CLSTN3: variants seen among roughly 807,000 people sequenced by gnomAD.
CLSTN3 encodes the protein calsyntenin 3, also known as calsyntenin-3.
CLSTN3 carries 36 observed loss-of-function variants against 95.9 expected under a neutral mutation model. The ratio of observed to expected loss-of-function variants is 0.38; its 90% CI spans 0.29 to 0.50. CLSTN3 has a LOEUF of 0.50. CLSTN3 is among the 20% of genes least tolerant of loss of function. CLSTN3 has a pLI of 0.95. For synonymous variants in CLSTN3, 481 were observed against 504.0 expected, an observed-to-expected ratio of 0.95 and a Z score of 0.61; for missense variants, 1,084 against 1,268.8, an observed-to-expected ratio of 0.85 and a Z score of 2.21.
intron 12 of CLSTN3, 29 bp from the exon 13 acceptor site, chr12:7,148,943 C>T: frequency 6.3e-7 from 1 of 1,593,236 alleles, no homozygotes; most frequent in South Asian, 1.1e-5. Flanking sequence ...GTTGGGGTCA[C>T]ATGCTGCTTC....
chr12:7,151,149 G>T, intron 16 of CLSTN3, 86 bp downstream of exon 16: 1 of 1,417,590 alleles, frequency 7.1e-7, no homozygotes, highest in Non-Finnish European at 9.3e-7. Flanking sequence ...CCACCTCTGG[G>T]AGAGGACAAG....
chr12:7,138,305 C>A (rs1327105664), intron 8 of CLSTN3, among the ~76,000 whole-genome samples: 4 of 151,570 alleles, frequency 2.6e-5, no homozygotes, highest in African/African-American at 9.8e-5. Context: ...ACTACTAACA[C>A]CAAAGTCGAC....
chr12:7,152,546 G>A (rs765832926), intron 16 of CLSTN3, among the ~76,000 whole-genome samples: 31 of 152,240 alleles, frequency 2.0e-4, no homozygotes, highest in Non-Finnish European at 2.9e-4. Context: ...AGAATTGAAG[G>A]CAATTCTCAA....
Position 7,149,745 on chromosome 12 carries a change from A to C in CLSTN3, c.2245+52A>C, listed in dbSNP as rs770342258. 1.3e-6 allele frequency: 2 copies of C among 1,549,640 alleles called. No homozygotes were observed. The highest frequency in any genetic ancestry group is 1.4e-5 in the African/African-American group (1 of 73,164). ...CTGTGTGTGTGTGCCCCTCCCAAAAAGTAAGGGCCTAGGAAGCCCAGAGGG... is the reference window on the plus strand; with the variant it reads ...CTGTGTGTGTGTGCCCCTCCCAAAACGTAAGGGCCTAGGAAGCCCAGAGGG... On this transcript the variant is annotated intron_variant, in intron 14 of 17. Transcript: ENST00000266546. The surrounding 1 kb of genome is among the most constrained non-coding windows in gnomAD (Gnocchi z 4.5).
In CLSTN3 at chr12:7,150,797, G is replaced by A; in HGVS notation, c.2391+108G>A. The A allele has an allele frequency of 6.4e-7, 1 of 1,557,284 alleles. No homozygotes were observed. The highest frequency in any genetic ancestry group is 1.3e-5 in the African/African-American group (1 of 74,230). On this transcript the variant is annotated intron_variant, in intron 15 of 17. Transcript: ENST00000266546. The surrounding 1 kb of genome is among the most constrained non-coding windows in gnomAD (Gnocchi z 4.0). The stretch of plus-strand genomic sequence containing the variant: ...TGGGCATGGACATGGCAGCGTGGAG[G>A]GCTGCTGGACCTTGCAGTGGGTGGA...
rs1203227161 is a variant in CLSTN3 at position 7,137,793 on chromosome 12, T to TGA, written c.1211-161_1211-160insAG. On this transcript the variant is annotated intron_variant, in intron 7 of 17. Coordinates refer to ENST00000266546, the MANE Select transcript of CLSTN3 (RefSeq NM_014718.4). The surrounding 1 kb of genome is among the most constrained non-coding windows in gnomAD (Gnocchi z 4.4). ...GTGTGTGTGTGTGTGTGTGTGTGTGTGTGAGAGAGAGAGAGAGAGAGAGAG... is the reference window on the plus strand; with the variant it reads ...GTGTGTGTGTGTGTGTGTGTGTGTGTGAGTGAGAGAGAGAGAGAGAGAGAGAG... Among the ~76,000 whole-genome samples, 8,210 of 69,760 alleles carry TGA rather than the reference T, an allele frequency of 0.12. 285 individuals carry two copies. Among genetic ancestry groups the TGA allele is most frequent in the Non-Finnish European group, 0.2 (5,763 of 29,230 alleles). 45.8% of individuals were successfully genotyped at this position (69,760 alleles called of 152,430 possible).
rs923226498 is a variant in CLSTN3 at position 7,130,562 on chromosome 12, C to T, written c.-87C>T. The stretch of plus-strand genomic sequence containing the variant: ...CTGTACCCCGCTCCTTGGAGACCCC[C>T]TGTATCCCTCCCGCAAGGTGGAATC... On this transcript the variant is annotated 5_prime_UTR_variant, in exon 1 of 18. Coordinates refer to ENST00000266546, the MANE Select transcript of CLSTN3 (RefSeq NM_014718.4). The T allele has an allele frequency of 6.5e-7, 1 of 1,548,242 alleles. No individual in the cohort carries two copies. The highest frequency in any genetic ancestry group is 8.7e-7 in the Non-Finnish European group (1 of 1,146,796).
chr12:7,136,503 C>A, intron 6 of CLSTN3, 112 bp downstream of exon 6: 2 of 1,097,220 alleles, frequency 1.8e-6, no homozygotes, highest in Non-Finnish European at 2.6e-6. Flanking sequence ...GGTGTTTATC[C>A]ATAGAGGTTG....
At chr12:7,145,035 C>T (rs2135807737) in intron 12 of CLSTN3, among the ~76,000 whole-genome samples, 1 of 152,260 alleles carries the variant, frequency 6.6e-6, no homozygotes, top group East Asian at 1.9e-4. Flanking sequence ...TCGTCCCCTC[C>T]AGTGCTGAGG....
rs1287836141 is a variant in CLSTN3 at position 7,148,828 on chromosome 12, G to A, written c.1848-144G>A. 1.3e-5 allele frequency: 9 copies of A among 682,764 alleles called. No individual in the cohort carries two copies. In the South Asian group the frequency reaches 1.5e-4, roughly 11 times the overall value. 42.3% of individuals were successfully genotyped at this position (682,764 alleles called of 1,614,324 possible). On this transcript the variant is annotated intron_variant, in intron 12 of 17. Coordinates refer to ENST00000266546, the MANE Select transcript of CLSTN3 (RefSeq NM_014718.4). ...CTGCTGTGGGGGTTGGGATGCAGAG[G>A]CATGACCCCCTTTCTTCCCCTGCCC...
upstream of CLSTN3, chr12:7,129,625 G>A (rs778383935): frequency 4.1e-6 from 4 of 985,486 alleles, no homozygotes; most frequent in East Asian, 3.4e-4. This position sits in a 1 kb window ranked among gnomAD's most constrained non-coding sequence, Gnocchi z 5.5. Flanking sequence ...GACAGCCCAT[G>A]CTTTCCAGAT....
chr12:7,144,557 A>C (rs1339946964), intron 12 of CLSTN3, among the ~76,000 whole-genome samples: 3 of 152,154 alleles, frequency 2.0e-5, no homozygotes, highest in Non-Finnish European at 4.4e-5. Context: ...CTATTATTAC[A>C]TAAAGGCATT....
chr12:7,139,634 C>CATTATT (rs1186626288), intron 8 of CLSTN3, among the ~76,000 whole-genome samples: 3 of 138,332 alleles, frequency 2.2e-5, no homozygotes, highest in Admixed American at 7.9e-5. Context: ...TTTACATCAT[C>CATTATT]ATTATTATTA....
chr12:7,145,406 A>C (rs1275975441), intron 12 of CLSTN3, among the ~76,000 whole-genome samples: 1 of 152,056 alleles, frequency 6.6e-6, no homozygotes, highest in East Asian at 1.9e-4. Context: ...AGACACAGAC[A>C]GGTACCTAGC....
intron 8 of CLSTN3, among the ~76,000 whole-genome samples, chr12:7,140,929 A>G (rs1782668136): frequency 6.6e-6 from 1 of 152,198 alleles, no homozygotes. Flanking sequence ...TGCCTTACAC[A>G]CATATGTAAT....
intron 8 of CLSTN3, chr12:7,138,827 G>A (rs369067359): frequency 2.9e-4 from 13 of 45,376 alleles, no homozygotes; most frequent in African/African-American, 8.6e-4. Flanking sequence ...GTAAGCAAAC[G>A]GCAAAAAAAA....
At chr12:7,130,317 A>T (rs61917922), upstream of CLSTN3, 1 of 424,184 alleles carries the variant, frequency 2.4e-6, no homozygotes, top group Non-Finnish European at 3.1e-6. Flanking sequence ...CCCCCCTCCC[A>T]GTCACCTGAT....
rs775898752 is a variant in CLSTN3, at chr12:7,133,013, G to A, written c.65-11G>A. On this transcript the variant is annotated splice_polypyrimidine_tract_variant and intron_variant, in intron 1 of 17. Coordinates refer to ENST00000266546, the MANE Select transcript of CLSTN3 (RefSeq NM_014718.4). This position sits in a 1 kb window ranked among gnomAD's most constrained non-coding sequence, Gnocchi z 4.7. ...CAGGTGCTTCCTCTCCTCTCCCTGG[G>A]GTGGGGCCAGCCAACAAGCACAAGC... The A allele has an allele frequency of 9.9e-6, 16 of 1,613,080 alleles. No homozygotes were observed. The highest frequency in any genetic ancestry group is 1.7e-6 in the Non-Finnish European group (2 of 1,179,614).
At chr12:7,134,694 T>G (rs1218341327) in intron 3 of CLSTN3, among the ~76,000 whole-genome samples, 1 of 152,240 alleles carries the variant, frequency 6.6e-6, no homozygotes. Context: ...TGGTTTTAAT[T>G]TGGCTTTTAC....
Sources: allele counts gnomAD v4.1 joint callset (sites outside exome capture counted in the v4.1 genomes callset), GRCh38; gene constraint gnomAD v4.1.1; non-coding constraint Gnocchi (gnomAD v3.1); transcripts MANE v1.5; gene names NCBI Gene and HGNC (gene_info 2026-07-23, HGNC 2026-07-21).